Variants in COL20A1 observed in about 807,000 individuals in gnomAD.
COL20A1 encodes collagen type XX alpha 1 chain.
A neutral mutation model predicts 152.9 loss-of-function variants in COL20A1; 164 were observed. The ratio of observed to expected loss-of-function variants is 1.07; its 90% CI spans 0.94 to 1.22. The LOEUF is 1.22. Among genes scored for constraint, COL20A1 ranks in the 50% most tolerant of loss-of-function variants. COL20A1 has a pLI of 0.00. For missense variants in COL20A1, 1,873 were observed against 1,744.8 expected (o/e 1.07, Z -1.31); for synonymous variants, 864 against 756.0 (o/e 1.14, Z -2.34).
Position 63,320,336 on chromosome 20 carries a change from G to A in COL20A1, c.3121G>A (p.Asp1041Asn), listed in dbSNP as rs375718406. 2.6e-4 allele frequency: 411 copies of A among 1,611,274 alleles called. 4 individuals are homozygous for A. In the South Asian group the frequency reaches 2.9e-3, roughly 11 times the overall value. Residue 1041 changes from aspartate to asparagine, a missense_variant, in exon 25 of 36, where the codon GAT (aspartate) becomes AAT (asparagine). By Grantham distance (23) the Asp-to-Asn change is conservative (BLOSUM62 1). Transcript: ENST00000358894. Reference protein sequence around the residue: ...LQIVCSDTWADEDRCCELPAS... With the variant: ...LQIVCSDTWANEDRCCELPAS... ...GATCGTGTGCAGTGACACCTGGGCCGATGAGGACCGGTGCTGTGAGCTCCC... is the reference window on the plus strand; with the variant it reads ...GATCGTGTGCAGTGACACCTGGGCCAATGAGGACCGGTGCTGTGAGCTCCC...
chr20:63,297,601 C>G (rs2067814690), intron 2 of COL20A1, among the ~76,000 whole-genome samples: 1 of 152,204 alleles, frequency 6.6e-6, no homozygotes, highest in Non-Finnish European at 1.5e-5. Flanking sequence ...TGGGAGGACC[C>G]CCGGAGAGCC....
chr20:63,327,463 G>A lies in COL20A1; in HGVS notation c.3529-489G>A, dbSNP rs548415030. On this transcript the variant is annotated intron_variant, in intron 31 of 35. Transcript: ENST00000358894. The stretch of plus-strand genomic sequence containing the variant: ...CTCCATGGAGGGTAGGGGGACAGAC[G>A]TGGGAGATGGGGGTGTAGTGTCCCC... 12 of 186,164 alleles carry A rather than the reference G, an allele frequency of 6.4e-5. No homozygotes were observed. The South Asian group carries it at 7.4e-4, about 12-fold the overall frequency. The allele number at this position is 186,164 out of a possible 1,614,324, so 11.5% of individuals were successfully genotyped here.
intron 2 of COL20A1, among the ~76,000 whole-genome samples, chr20:63,296,583 C>G (rs2067796637): frequency 6.6e-6 from 1 of 152,254 alleles, no homozygotes. Flanking sequence ...CAGCCGCTGT[C>G]TGCCCAGTGC....
Position 63,332,236 on chromosome 20 carries a change from T to C in COL20A1, c.*1520T>C, listed in dbSNP as rs550270282. The C allele has an allele frequency of 7.2e-5, 11 of 152,340 alleles. No individual in the cohort carries two copies. Among genetic ancestry groups the C allele is most frequent in the African/African-American group, 2.4e-4 (10 of 41,462 alleles). 9.4% of individuals were successfully genotyped at this position (152,340 alleles called of 1,614,324 possible). A position where few individuals can be genotyped will look rare whatever the true frequency, so the allele number is the denominator to read the frequency against. ...TAAAGCAGCATCTGGGGCAGAGTTA[T>C]AGCCTTCAGTGCAGGTATCAGACAC... On this transcript the variant is annotated 3_prime_UTR_variant, in exon 36 of 36. Transcript: ENST00000358894.
chr20:63,306,050 G>T lies in COL20A1; in HGVS notation c.496+11G>T. ...ATCCGCGCACTCCTGGTGGGTCAGA[G>T]TGGAGAGAGAGTAAGTCTCCGGGGA... On this transcript the variant is annotated intron_variant, in intron 5 of 35. Coordinates refer to ENST00000358894, the MANE Select transcript of COL20A1 (RefSeq NM_020882.4). The surrounding 1 kb of genome is among the most constrained non-coding windows in gnomAD (Gnocchi z 6.9). The T allele has an allele frequency of 6.3e-7, 1 of 1,589,016 alleles. No homozygotes were observed. Among genetic ancestry groups the T allele is most frequent in the Non-Finnish European group, 8.5e-7 (1 of 1,169,802 alleles).
Position 63,328,499 on chromosome 20 carries a change from G to A in COL20A1, c.3781+1G>A. 1.2e-6 allele frequency: 2 copies of A among 1,607,198 alleles called. No homozygotes were observed. The highest frequency in any genetic ancestry group is 1.7e-6 in the Non-Finnish European group (2 of 1,176,462). On this transcript the variant is annotated splice_donor_variant, in intron 34 of 35. Transcript: ENST00000358894. LOFTEE classifies it high-confidence loss of function. ...GGTGGCCGCCACCTTGAGGGCAGAGGTACTGGGCTCCTGGCTCTTGGGGAG... is the reference window on the plus strand; with the variant it reads ...GGTGGCCGCCACCTTGAGGGCAGAGATACTGGGCTCCTGGCTCTTGGGGAG...
intron 3 of COL20A1, among the ~76,000 whole-genome samples, chr20:63,302,636 T>C (rs911375281): frequency 2.0e-5 from 3 of 152,232 alleles, no homozygotes; most frequent in Admixed American, 6.5e-5. Context: ...GCATGTCTTT[T>C]ACAATTGATT....
intron 21 of COL20A1, 91 bp downstream of exon 21, chr20:63,316,782 G>A (rs1156798620): frequency 7.7e-7 from 1 of 1,295,444 alleles, no homozygotes; most frequent in Non-Finnish European, 1.0e-6. Flanking sequence ...GCATGGGCCG[G>A]AGACCTCCTG....
chr20:63,330,222 G>A (rs2068314674), intron 35 of COL20A1, among the ~76,000 whole-genome samples: 1 of 152,160 alleles, frequency 6.6e-6, no homozygotes, highest in Non-Finnish European at 1.5e-5. Context: ...CCAGCAGCAG[G>A]TGTGGGGACA....
In COL20A1 at chr20:63,314,190, C is replaced by T. The variant is rs558072349; in HGVS notation, c.2477C>T (p.Thr826Met). The T allele has an allele frequency of 4.1e-5, 64 of 1,563,434 alleles. 1 individual carries two copies. The highest frequency in any genetic ancestry group is 1.7e-4 in the Middle Eastern group (1 of 5,998). Residue 826 changes from threonine (T) to methionine (M), a missense_variant, in exon 19 of 36, where the codon ACG becomes ATG. By Grantham distance (81) the Thr-to-Met change is moderately conservative (BLOSUM62 -1). Coordinates refer to ENST00000358894, the MANE Select transcript of COL20A1 (RefSeq NM_020882.4). ...AAGRSEAVSATGQTACPALRP... is the reference protein window; with the variant it reads ...AAGRSEAVSAMGQTACPALRP... ...GGCAGGAGTGAGGCTGTGTCTGCCA[C>T]GGGCCAGACAGGTGAGTGGGCACCA...
intron 28 of COL20A1, 78 bp downstream of exon 28, chr20:63,325,572 G>A (rs1278429079): frequency 1.3e-6 from 2 of 1,540,698 alleles, no homozygotes; most frequent in African/African-American, 2.7e-5. Flanking sequence ...GGGAGTGCCT[G>A]GGGGGCACAG....
Position 63,312,784 on chromosome 20 carries a change from TC to T in COL20A1, c.1934-6del. On this transcript the variant is annotated splice_polypyrimidine_tract_variant and splice_region_variant and intron_variant, in intron 15 of 35. Transcript: ENST00000358894. ...TACACCCCCAGCCTGTGTCTCCACT[TC>T]CTTCAGAGAAAGCTCCCAGCCCAAG... 6.5e-7 allele frequency: 1 copy of T among 1,541,714 alleles called. No homozygotes were observed. The highest frequency in any genetic ancestry group is 1.2e-5 in the South Asian group (1 of 83,434).
Position 63,330,882 on chromosome 20 carries a change from T to G in COL20A1, c.*166T>G, listed in dbSNP as rs1364880704. The G allele has an allele frequency of 1.3e-5, 2 of 152,064 alleles. No individual in the cohort carries two copies. Among genetic ancestry groups the G allele is most frequent in the African/African-American group, 4.8e-5 (2 of 41,370 alleles). 9.4% of individuals were successfully genotyped at this position (152,064 alleles called of 1,614,324 possible). On this transcript the variant is annotated 3_prime_UTR_variant, in exon 36 of 36. Transcript: ENST00000358894. ...GCCTCGGCCAAGGCCCACCCCATAC[T>G]CTTGGCTCTGTAGCATTTCCAAGTT...
At position 63,328,086 on chromosome 20, in the gene COL20A1, C is replaced by T. The variant is rs769413692; in HGVS notation, c.3572C>T (p.Pro1191Leu). The part of the protein sequence containing the change: ...PKGERGEKGE[P>L]QSLATLYQLV... The stretch of plus-strand genomic sequence containing the variant: ...CACCACCTTCCCTTCCAGGGCGAGC[C>T]GCAGTCCCTTGCCACCCTCTACCAG... Residue 1191 changes from proline (P) to leucine (L), a missense_variant, in exon 33 of 36, where the codon CCG becomes CTG. By Grantham distance (98) the Pro-to-Leu change is moderately conservative. Transcript: ENST00000358894. 2.0e-5 allele frequency: 33 copies of T among 1,613,272 alleles called. No individual in the cohort carries two copies. The highest frequency in any genetic ancestry group is 5.0e-5 in the Admixed American group (3 of 59,986).
chr20:63,310,052 GC>G (rs2123398928), intron 10 of COL20A1, 137 bp downstream of exon 10: 1 of 867,760 alleles, frequency 1.2e-6, no homozygotes. Context: ...GGGGCTGACA[GC>G]CCAGGGACTC....
intron 25 of COL20A1, among the ~76,000 whole-genome samples, 189 bp from the exon 26 acceptor site, chr20:63,320,824 A>G (rs1261380237): frequency 1.3e-5 from 2 of 152,064 alleles, no homozygotes; most frequent in Non-Finnish European, 2.9e-5. Context: ...CTGGACACAC[A>G]GGGGCTCAGT....
At chr20:63,300,480 A>G (rs2067850993) in intron 3 of COL20A1, among the ~76,000 whole-genome samples, 1 of 152,146 alleles carries the variant, frequency 6.6e-6, no homozygotes, top group Non-Finnish European at 1.5e-5. Flanking sequence ...TTTTATATAA[A>G]TTTCCTGATT....
At chr20:63,318,866 C>T (rs1471001402) in intron 21 of COL20A1, among the ~76,000 whole-genome samples, 192 bp from the exon 22 acceptor site, 2 of 152,072 alleles carry the variant, frequency 1.3e-5, no homozygotes, top group South Asian at 2.1e-4. Flanking sequence ...CCAGTCTGGG[C>T]TCCTAGGGAG....
intron 31 of COL20A1, chr20:63,327,142 T>C (rs565930104): frequency 6.7e-6 from 2 of 297,718 alleles, no homozygotes; most frequent in Non-Finnish European, 6.2e-6. Context: ...TCAGGGACTT[T>C]CTGTTGACTG....
Sources: allele counts gnomAD v4.1 joint callset (sites outside exome capture counted in the v4.1 genomes callset), GRCh38; gene constraint gnomAD v4.1.1; non-coding constraint Gnocchi (gnomAD v3.1); transcripts MANE v1.5; gene names NCBI Gene and HGNC (gene_info 2026-07-23, HGNC 2026-07-21).